The following CLIP2 variants were observed in gnomAD, a reference collection of about 807,000 sequenced individuals.
CLIP2 encodes CAP-Gly domain-containing linker protein 2.
CLIP2 carries 41 observed loss-of-function variants against 111.7 expected under a neutral mutation model. That is an observed-to-expected ratio of 0.37 (90% CI 0.29 to 0.48). The LOEUF (loss-of-function observed/expected upper bound fraction) is 0.48. Among genes scored for constraint, CLIP2 ranks in the 20% least tolerant of loss-of-function variants. CLIP2 has a pLI of 0.99. For missense variants in CLIP2, 1,160 were observed against 1,422.1 expected (o/e 0.82, Z 2.96); for synonymous variants, 660 against 644.2 (o/e 1.02, Z -0.37).
chr7:74,327,668 A>G (rs1478008610), intron 2 of CLIP2, among the ~76,000 whole-genome samples: 1 of 152,192 alleles, frequency 6.6e-6, no homozygotes. Context: ...ACCACATCCT[A>G]AACTTTTTAA....
At chr7:74,290,657 C>A (rs147520759) in intron 1 of CLIP2, among the ~76,000 whole-genome samples, 2 of 152,104 alleles carry the variant, frequency 1.3e-5, no homozygotes, top group Middle Eastern at 6.3e-3. Context: ...GGGGGTCTGC[C>A]GTCACTCTTG....
chr7:74,334,875 C>A (rs1325043883), intron 2 of CLIP2, among the ~76,000 whole-genome samples: 1 of 150,818 alleles, frequency 6.6e-6, no homozygotes. Flanking sequence ...ATAATCCTGG[C>A]TACACTGGAG....
intron 1 of CLIP2, among the ~76,000 whole-genome samples, chr7:74,296,241 C>T (rs1257261202): frequency 6.6e-6 from 1 of 151,758 alleles, no homozygotes; most frequent in Non-Finnish European, 1.5e-5. Context: ...GTGGCTCAAG[C>T]CTCACGTCTG....
At chr7:74,361,543 G>C (rs1413084844) in intron 7 of CLIP2, among the ~76,000 whole-genome samples, 2 of 151,904 alleles carry the variant, frequency 1.3e-5, no homozygotes, top group African/African-American at 4.8e-5. Flanking sequence ...TTTGAGACAG[G>C]GTCTCACTGT....
At chr7:74,390,912 G>A (rs1791277728) in intron 13 of CLIP2, among the ~76,000 whole-genome samples, 1 of 151,482 alleles carries the variant, frequency 6.6e-6, no homozygotes, top group Non-Finnish European at 1.5e-5. Context: ...AGCCAGGCGT[G>A]TTGGCAGGCA....
In CLIP2 at chr7:74,389,200, G is replaced by C. The variant is rs1554315360; in HGVS notation, c.2661G>C (p.Lys887Asn). ...CAGAGCTGGAGACCGTGTCCCGGAAGACCCATGACGCCTCGGGCCAGCTAG... is the reference window on the plus strand; with the variant it reads ...CAGAGCTGGAGACCGTGTCCCGGAACACCCATGACGCCTCGGGCCAGCTAG... Reference protein sequence around the residue: ...LEAELETVSRKTHDASGQLVL... With the variant: ...LEAELETVSRNTHDASGQLVL... The change falls in exon 13 of 17, where the codon AAG becomes AAC. Residue 887 changes from lysine to asparagine, a missense_variant. Lys to Asn is a moderately conservative substitution (Grantham distance 94, BLOSUM62 0). Around this residue, in one of 5 missense-constraint regions of CLIP2, gnomAD observed 676 missense variants for 777.8 expected, o/e 0.87. Coordinates refer to ENST00000223398, the MANE Select transcript of CLIP2 (RefSeq NM_003388.5). 3 of 1,613,362 alleles carry C rather than the reference G, an allele frequency of 1.9e-6. No homozygotes were observed. The highest frequency in any genetic ancestry group is 2.5e-6 in the Non-Finnish European group (3 of 1,179,800).
chr7:74,398,768 AGGGGTTGGTG>A (rs1554317088), intron 14 of CLIP2, among the ~76,000 whole-genome samples: 4 of 72,592 alleles, frequency 5.5e-5, no homozygotes, highest in African/African-American at 3.1e-4. Flanking sequence ...TCTGGCTAGC[AGGGGTTGGTG>A]GCTGCACCCT....
Position 74,397,730 on chromosome 7 carries a change from G to A in CLIP2, c.2880+497G>A, listed in dbSNP as rs142462978. 2.0e-4 allele frequency among the ~76,000 whole-genome samples: 29 copies of A among 144,192 alleles called. No homozygotes were observed. The South Asian group carries it at 2.0e-3, about 10-fold the overall frequency. The allele number at this position is 144,192 out of a possible 152,430, so 94.6% of individuals were successfully genotyped here. A position where few individuals can be genotyped will look rare whatever the true frequency, so the allele number is the denominator to read the frequency against. ...TGCCCAGGCTGGAGTGCAGTGGCGC[G>A]ATCTCAGCTCACTGTAAGCTCTGCC... On this transcript the variant is annotated intron_variant, in intron 14 of 16. Coordinates refer to ENST00000223398, the MANE Select transcript of CLIP2 (RefSeq NM_003388.5).
At chr7:74,317,757 T>C in intron 2 of CLIP2, 90 bp downstream of exon 2, 1 of 1,313,994 alleles carries the variant, frequency 7.6e-7, no homozygotes, top group South Asian at 2.4e-5. Context: ...CAGGCCACTC[T>C]GTGACCAATC....
chr7:74,298,519 ATTTATTTTAT>A (rs1251622725), intron 1 of CLIP2, among the ~76,000 whole-genome samples: 153 of 149,450 alleles, frequency 1.0e-3, no homozygotes, highest in Non-Finnish European at 1.8e-3. Context: ...CTCTATTTTT[ATTTATTTTAT>A]TTTATTTTAT....
chr7:74,372,241 C>T (rs1790646240), intron 8 of CLIP2, among the ~76,000 whole-genome samples: 1 of 152,126 alleles, frequency 6.6e-6, no homozygotes, highest in Non-Finnish European at 1.5e-5. Context: ...GACCAGGCGT[C>T]CTCTGTGGGG....
intron 1 of CLIP2, among the ~76,000 whole-genome samples, chr7:74,305,651 G>A (rs900241609): frequency 4.6e-5 from 7 of 152,014 alleles, no homozygotes; most frequent in African/African-American, 1.7e-4. Flanking sequence ...GCGCCACCAC[G>A]CCCAGCTAAT....
At chr7:74,371,733 A>T (rs1554311898) in intron 8 of CLIP2, among the ~76,000 whole-genome samples, 2 of 146,576 alleles carry the variant, frequency 1.4e-5, no homozygotes, top group East Asian at 4.3e-4. Context: ...GGGAGAGAGA[A>T]AGGGAAGGAC....
chr7:74,296,939 AAT>A (rs1184428253), intron 1 of CLIP2, among the ~76,000 whole-genome samples: 1 of 152,152 alleles, frequency 6.6e-6, no homozygotes, highest in Non-Finnish European at 1.5e-5. Flanking sequence ...ATAGCAGACT[AAT>A]ATAGTCCCTA....
At chr7:74,362,966 G>A (rs1323411334) in intron 7 of CLIP2, among the ~76,000 whole-genome samples, 2 of 151,832 alleles carry the variant, frequency 1.3e-5, no homozygotes, top group Middle Eastern at 3.2e-3. Context: ...TTGCTATGCC[G>A]AGAGCTGTTA....
rs371647041 is a variant in CLIP2, at chr7:74,353,885, C to T, written c.684C>T (p.Gly228=). 6.8e-6 allele frequency: 11 copies of T among 1,614,086 alleles called. No individual in the cohort carries two copies. Among genetic ancestry groups the T allele is most frequent in the African/African-American group, 2.7e-5 (2 of 75,040 alleles). ...GTCTCCCTGTGTGCCGACAGGTTGG[C>T]GGGACGAAGACTGGCGTGGTGCGGT... ...DLRLGDRVLV[G]GTKTGVVRYV... The change falls in exon 4 of 17, where the codon GGC becomes GGT. Residue 228 remains glycine, a synonymous_variant. Transcript: ENST00000223398.
chr7:74,304,191 G>A (rs190597350), intron 1 of CLIP2, among the ~76,000 whole-genome samples: 151 of 151,954 alleles, frequency 9.9e-4, no homozygotes, highest in African/African-American at 3.4e-3. Context: ...GATTGCAGGC[G>A]TGAGCCACCG....
At chr7:74,398,988 A>G (rs1791537981) in intron 14 of CLIP2, among the ~76,000 whole-genome samples, 1 of 152,154 alleles carries the variant, frequency 6.6e-6, no homozygotes, top group Non-Finnish European at 1.5e-5. Flanking sequence ...TTGTCTCATC[A>G]TCTCCCTGCA....
chr7:74,401,416 G>C, intron 15 of CLIP2, 89 bp from the exon 16 acceptor site: 1 of 1,278,414 alleles, frequency 7.8e-7, no homozygotes, highest in East Asian at 2.5e-5. Context: ...AGCCTGAGAC[G>C]GTCCCATGGG....
Sources: gnomAD v4.1 joint callset for allele counts (sites outside exome capture counted in the v4.1 genomes callset) on GRCh38, gnomAD v4.1.1 for gene constraint, gnomAD v4.1.1 regional missense constraint, MANE v1.5 for transcripts, NCBI Gene and HGNC (gene_info 2026-07-23, HGNC 2026-07-21) for gene names.